Variants in ZDHHC14 observed in about 807,000 individuals in gnomAD.
The protein encoded by ZDHHC14 is palmitoyltransferase ZDHHC14.
In ZDHHC14, 16 loss-of-function variants were observed where a neutral mutation model predicts 47.7. That is an observed-to-expected ratio of 0.34 (90% confidence interval 0.23 to 0.51). The LOEUF (loss-of-function observed/expected upper bound fraction) is 0.51. Ranked by LOEUF, ZDHHC14 falls within the 20% of genes least tolerant of loss-of-function variation. The pLI, the probability that ZDHHC14 is intolerant of heterozygous loss-of-function variation, is 0.97. For missense variants in ZDHHC14, 515 were observed against 662.5 expected (o/e 0.78, Z 2.44); for synonymous variants, 293 against 278.9 (o/e 1.05, Z -0.50).
intron 1 of ZDHHC14, among the ~76,000 whole-genome samples, chr6:157,393,446 C>T (rs1777459274): frequency 6.6e-6 from 1 of 152,192 alleles, no homozygotes; most frequent in Admixed American, 6.5e-5. Context: ...AGTCTGCTAT[C>T]TTTTGGTGGT....
chr6:157,462,764 C>T (rs991103253), intron 1 of ZDHHC14, among the ~76,000 whole-genome samples: 7 of 152,248 alleles, frequency 4.6e-5, no homozygotes, highest in African/African-American at 1.7e-4. Flanking sequence ...TTTGAAGTGC[C>T]CAGCCCAGTG....
At chr6:157,400,634 C>G (rs747219395) in intron 1 of ZDHHC14, among the ~76,000 whole-genome samples, 4 of 152,236 alleles carry the variant, frequency 2.6e-5, no homozygotes, top group Non-Finnish European at 5.9e-5. Flanking sequence ...ATACCCCAGT[C>G]CCCTGAGTCC....
chr6:157,528,586 G>T (rs9457704), intron 1 of ZDHHC14, among the ~76,000 whole-genome samples: 63,420 of 151,276 alleles, frequency 0.42, 13,264 homozygotes, highest in Admixed American at 0.46. Flanking sequence ...AAAGAAATTA[G>T]CCAGGCGTGG....
chr6:157,668,463 C>T (rs1408012620), intron 8 of ZDHHC14, among the ~76,000 whole-genome samples: 1 of 149,548 alleles, frequency 6.7e-6, no homozygotes, highest in Non-Finnish European at 1.5e-5. Flanking sequence ...GAAGGCAGAT[C>T]ACTTGAGGTC....
chr6:157,632,949 G>T, intron 5 of ZDHHC14, 67 bp downstream of exon 5: 1 of 1,516,588 alleles, frequency 6.6e-7, no homozygotes, highest in Non-Finnish European at 9.2e-7. Flanking sequence ...CCTTCTGTGC[G>T]CACACCTCCT....
chr6:157,635,249 T>C (rs1776916593), intron 5 of ZDHHC14, among the ~76,000 whole-genome samples: 3 of 152,158 alleles, frequency 2.0e-5, no homozygotes, highest in Admixed American at 2.0e-4. Flanking sequence ...TGCCTCGGCC[T>C]CCCAAAGTGT....
intron 1 of ZDHHC14, among the ~76,000 whole-genome samples, chr6:157,517,152 G>A (rs572731721): frequency 2.5e-4 from 38 of 152,074 alleles, no homozygotes; most frequent in East Asian, 5.8e-4. Context: ...TCTTTGTTGC[G>A]TTGAATACCT....
At chr6:157,659,615 GC>G (rs1778255087) in intron 8 of ZDHHC14, among the ~76,000 whole-genome samples, 1 of 152,168 alleles carries the variant, frequency 6.6e-6, no homozygotes, top group African/African-American at 2.4e-5. Flanking sequence ...GACCAGCAGT[GC>G]CTGGCCGAAA....
intron 1 of ZDHHC14, among the ~76,000 whole-genome samples, chr6:157,484,294 T>C (rs1322216166): frequency 8.2e-4 from 10 of 12,214 alleles, no homozygotes; most frequent in African/African-American, 2.0e-3. Flanking sequence ...TATATATGTG[T>C]ATATATATAT....
intron 1 of ZDHHC14, among the ~76,000 whole-genome samples, chr6:157,501,106 A>T (rs532483942): frequency 6.6e-6 from 1 of 152,254 alleles, no homozygotes; most frequent in East Asian, 1.9e-4. Context: ...GAAAATTCAG[A>T]TTTTTCTCTT....
chr6:157,493,742 C>T (rs1779985175), intron 1 of ZDHHC14, among the ~76,000 whole-genome samples: 1 of 152,342 alleles, frequency 6.6e-6, no homozygotes, highest in South Asian at 2.1e-4. Flanking sequence ...GGGAAGTGCC[C>T]GCTTCGTGTC....
chr6:157,673,320 T>G lies in ZDHHC14; in HGVS notation c.*198T>G, dbSNP rs1778894589. 2 of 663,482 alleles carry G rather than the reference T, an allele frequency of 3.0e-6. No individual in the cohort carries two copies. The highest frequency in any genetic ancestry group is 1.9e-5 in the African/African-American group (1 of 52,040). The allele number at this position is 663,482 out of a possible 1,614,324, so 41.1% of individuals were successfully genotyped here. ...CTGAGAGCTTGGTTTCATTTGAATT[T>G]TCTTCCCCAACCTGAGTGCTTTGAC... On this transcript the variant is annotated 3_prime_UTR_variant, in exon 9 of 9. Coordinates refer to ENST00000359775, the MANE Select transcript of ZDHHC14 (RefSeq NM_024630.3). The surrounding 1 kb of genome is among the most constrained non-coding windows in gnomAD (Gnocchi z 5.4).
chr6:157,412,878 A>G (rs1777899409), intron 1 of ZDHHC14, among the ~76,000 whole-genome samples: 1 of 152,222 alleles, frequency 6.6e-6, no homozygotes, highest in Non-Finnish European at 1.5e-5. Flanking sequence ...CAGGTCCATG[A>G]GAAAGAAGAA....
At chr6:157,503,770 A>G (rs1480293403) in intron 1 of ZDHHC14, among the ~76,000 whole-genome samples, 1 of 152,212 alleles carries the variant, frequency 6.6e-6, no homozygotes, top group Non-Finnish European at 1.5e-5. Context: ...TCACAGTGAC[A>G]TGCTTTTTAC....
intron 2 of ZDHHC14, among the ~76,000 whole-genome samples, chr6:157,587,114 A>G (rs1239984130): frequency 1.3e-5 from 2 of 152,234 alleles, no homozygotes; most frequent in African/African-American, 4.8e-5. Context: ...TTTCTACTGA[A>G]ATTAACACAA....
intron 3 of ZDHHC14, among the ~76,000 whole-genome samples, chr6:157,605,162 T>C (rs370382221): frequency 1.3e-5 from 2 of 152,224 alleles, no homozygotes; most frequent in African/African-American, 4.8e-5. Context: ...GCTTAATATG[T>C]GTTTGCACAT....
At chr6:157,490,169 G>A (rs1290531218) in intron 1 of ZDHHC14, among the ~76,000 whole-genome samples, 1 of 152,204 alleles carries the variant, frequency 6.6e-6, no homozygotes, top group Admixed American at 6.5e-5. Context: ...GGGGGGAACA[G>A]GTCTTTTATG....
chr6:157,535,587 C>T (rs1781518516), intron 1 of ZDHHC14, among the ~76,000 whole-genome samples: 1 of 152,080 alleles, frequency 6.6e-6, no homozygotes, highest in Non-Finnish European at 1.5e-5. Flanking sequence ...CACGTTAGTC[C>T]CTGGGCTCAT....
intron 3 of ZDHHC14, 116 bp downstream of exon 3, chr6:157,593,262 A>G: frequency 7.5e-7 from 1 of 1,325,554 alleles, no homozygotes; most frequent in Non-Finnish European, 1.0e-6. Flanking sequence ...GCGCATTTGC[A>G]TGTTGCCACT....
Sources: allele counts gnomAD v4.1 joint callset (sites outside exome capture counted in the v4.1 genomes callset), GRCh38; gene constraint gnomAD v4.1.1; non-coding constraint Gnocchi (gnomAD v3.1); transcripts MANE v1.5; gene names NCBI Gene and HGNC (gene_info 2026-07-23, HGNC 2026-07-21).